Variants in HDAC9 observed in about 807,000 individuals in gnomAD.
HDAC9 encodes the protein histone deacetylase 9.
In HDAC9, 41 loss-of-function variants were observed where a neutral mutation model predicts 139.4. The ratio of observed to expected loss-of-function variants is 0.29; its 90% confidence interval spans 0.23 to 0.38. HDAC9 has a LOEUF of 0.38. Among genes scored for constraint, HDAC9 ranks in the 10% least tolerant of loss-of-function variants. The probability of loss-of-function intolerance (pLI) is 1.00; values close to 1 mark genes in which losing one functional copy is unlikely to be tolerated. For missense variants in HDAC9, 1,147 were observed against 1,297.0 expected (o/e 0.88, Z 1.78); for synonymous variants, 517 against 476.2 (o/e 1.09, Z -1.12).
chr7:18,914,734 A>G (rs907754741), intron 22 of HDAC9, among the ~76,000 whole-genome samples: 4 of 137,574 alleles, frequency 2.9e-5, no homozygotes, highest in Non-Finnish European at 5.0e-5. Flanking sequence ...GATGTAAAAG[A>G]TGACTAGTAG....
intron 14 of HDAC9, among the ~76,000 whole-genome samples, chr7:18,759,804 T>G (rs1199799920): frequency 6.6e-6 from 1 of 152,130 alleles, no homozygotes; most frequent in African/African-American, 2.4e-5. Context: ...AGCATTCAGC[T>G]AGAATCAGTG....
At chr7:18,311,643 G>A (rs939473798) in intron 1 of HDAC9, among the ~76,000 whole-genome samples, 2 of 152,014 alleles carry the variant, frequency 1.3e-5, no homozygotes, top group African/African-American at 4.8e-5. Context: ...CAAAGCCCTC[G>A]CTCATAGTAC....
intron 23 of HDAC9, among the ~76,000 whole-genome samples, chr7:18,950,209 A>G (rs191554900): frequency 6.6e-6 from 1 of 152,018 alleles, no homozygotes; most frequent in Admixed American, 6.6e-5. Flanking sequence ...TTTCTCCTCT[A>G]ATTATTGGCA....
chr7:18,722,833 C>A (rs1357023691), intron 12 of HDAC9, among the ~76,000 whole-genome samples: 2 of 152,092 alleles, frequency 1.3e-5, no homozygotes, highest in Non-Finnish European at 2.9e-5. Context: ...AAAGAAAGTT[C>A]AAAAATGTTT....
chr7:18,888,298 G>A (rs1344899186), intron 22 of HDAC9, among the ~76,000 whole-genome samples: 3 of 152,156 alleles, frequency 2.0e-5, no homozygotes, highest in Admixed American at 6.5e-5. Context: ...GGTGGCGGGC[G>A]CCTGTAGTCC....
At chr7:18,111,898 G>A (rs1369438537) in intron 1 of HDAC9, among the ~76,000 whole-genome samples, 1 of 152,166 alleles carries the variant, frequency 6.6e-6, no homozygotes, top group Non-Finnish European at 1.5e-5. Context: ...AGTGGTGTAT[G>A]TACAAGCTGT....
At chr7:18,852,379 G>C (rs1393561905) in intron 21 of HDAC9, among the ~76,000 whole-genome samples, 3 of 152,308 alleles carry the variant, frequency 2.0e-5, no homozygotes, top group African/African-American at 7.2e-5. Flanking sequence ...AGGACGATTA[G>C]AGTCAGGCGA....
At chr7:18,469,030 T>A (rs1031691123) in intron 1 of HDAC9, among the ~76,000 whole-genome samples, 2 of 152,222 alleles carry the variant, frequency 1.3e-5, no homozygotes, top group Admixed American at 6.5e-5. Context: ...CTCTAAGTCT[T>A]ATAATCACCT....
intron 2 of HDAC9, among the ~76,000 whole-genome samples, chr7:18,259,438 C>T (rs1052757822): frequency 5.3e-5 from 8 of 152,214 alleles, no homozygotes; most frequent in Admixed American, 4.6e-4. Context: ...TCTCAGCTCA[C>T]AGCAACCTCT....
chr7:18,754,151 A>C (rs1788687241), intron 14 of HDAC9, among the ~76,000 whole-genome samples: 1 of 152,002 alleles, frequency 6.6e-6, no homozygotes. Flanking sequence ...CCTTCATGCC[A>C]ATACCACTTA....
rs144099244 is a variant in HDAC9, at chr7:18,235,661, T to C, written c.25+73312T>C. On this transcript the variant is annotated intron_variant, in intron 2 of 12. Coordinates refer to the HDAC9 transcript ENST00000417496. ...TTAATCCTTAACTATTTTCAAAGCATGATCTCATACATTACCTTTGAATTT... is the reference window on the plus strand; with the variant it reads ...TTAATCCTTAACTATTTTCAAAGCACGATCTCATACATTACCTTTGAATTT... 2.8e-3 allele frequency among the ~76,000 whole-genome samples: 424 copies of C among 152,366 alleles called. 2 individuals carry two copies. The highest frequency in any genetic ancestry group is 9.4e-3 in the African/African-American group (391 of 41,592).
intron 2 of HDAC9, among the ~76,000 whole-genome samples, chr7:18,267,357 A>G (rs1419047438): frequency 2.6e-5 from 4 of 152,084 alleles, no homozygotes. Context: ...TTTATTAGCT[A>G]TAGTCACCAT....
intron 13 of HDAC9, among the ~76,000 whole-genome samples, chr7:18,739,223 G>T (rs759704407): frequency 6.6e-6 from 1 of 152,158 alleles, no homozygotes; most frequent in South Asian, 2.1e-4. Flanking sequence ...CTTTAGCTCA[G>T]AGATGTTTGT....
intron 1 of HDAC9, among the ~76,000 whole-genome samples, chr7:18,442,943 G>A (rs933010212): frequency 2.0e-5 from 3 of 152,168 alleles, no homozygotes; most frequent in Non-Finnish European, 4.4e-5. Context: ...CAACTACAGT[G>A]GATGGCCTAG....
At chr7:18,356,767 G>T (rs1029809374) in intron 1 of HDAC9, among the ~76,000 whole-genome samples, 4 of 152,092 alleles carry the variant, frequency 2.6e-5, no homozygotes, top group Admixed American at 6.6e-5. Flanking sequence ...TCTTCAGATC[G>T]CATCGGAAGA....
chr7:18,136,439 C>G (rs994276009), intron 1 of HDAC9, among the ~76,000 whole-genome samples: 1 of 151,664 alleles, frequency 6.6e-6, no homozygotes, highest in Admixed American at 6.6e-5. Flanking sequence ...GGTTTTAGGT[C>G]TAACGTTTAA....
chr7:18,137,790 G>A (rs185152859), intron 1 of HDAC9, among the ~76,000 whole-genome samples: 15 of 152,270 alleles, frequency 9.9e-5, no homozygotes, highest in African/African-American at 3.4e-4. Context: ...TCTCTGCCCG[G>A]CTTTGGAATC....
intron 1 of HDAC9, among the ~76,000 whole-genome samples, chr7:18,473,352 T>C (rs1794870654): frequency 6.6e-6 from 1 of 152,184 alleles, no homozygotes; most frequent in African/African-American, 2.4e-5. Context: ...AGAGGACTTG[T>C]TTTCGATTCT....
chr7:18,232,641 G>T (rs929465236), intron 2 of HDAC9, among the ~76,000 whole-genome samples: 4 of 152,148 alleles, frequency 2.6e-5, no homozygotes, highest in Non-Finnish European at 4.4e-5. Context: ...CATGATATTT[G>T]CAGAATGCAT....
Sources: gnomAD v4.1 joint callset for allele counts (sites outside exome capture counted in the v4.1 genomes callset) on GRCh38, gnomAD v4.1.1 for gene constraint, MANE v1.5 for transcripts, NCBI Gene and HGNC (gene_info 2026-07-23, HGNC 2026-07-21) for gene names.